Variants in WWOX observed in about 807,000 individuals in gnomAD.
WWOX encodes WW domain-containing oxidoreductase.
A neutral mutation model predicts 46.2 loss-of-function variants in WWOX; 69 were observed. The ratio of observed to expected loss-of-function variants is 1.49; its 90% confidence interval spans 1.23 to 1.82. The LOEUF (loss-of-function observed/expected upper bound fraction) is 1.82. Among genes scored for constraint, WWOX ranks in the 40% most tolerant of loss-of-function variants. The probability of loss-of-function intolerance (pLI) is 0.00; values close to 1 mark genes in which losing one functional copy is unlikely to be tolerated. For synonymous variants in WWOX, 359 were observed against 202.6 expected (o/e 1.77, Z -6.56); for missense variants, 919 against 542.6 (o/e 1.69, Z -6.89).
intron 8 of WWOX, among the ~76,000 whole-genome samples, chr16:78,598,241 A>G (rs1437126623): frequency 6.6e-6 from 1 of 152,230 alleles, no homozygotes; most frequent in East Asian, 1.9e-4. Flanking sequence ...TTTCACTATC[A>G]GAATTTTCTA....
intron 8 of WWOX, among the ~76,000 whole-genome samples, chr16:78,779,418 G>A (rs1253052797): frequency 3.9e-5 from 6 of 152,140 alleles, no homozygotes; most frequent in Non-Finnish European, 1.5e-5. Context: ...TTACAGGTAA[G>A]AGCCACCGTG....
At chr16:78,321,841 G>A (rs894033143) in intron 5 of WWOX, among the ~76,000 whole-genome samples, 1 of 152,138 alleles carries the variant, frequency 6.6e-6, no homozygotes, top group African/African-American at 2.4e-5. Context: ...GGAGGCTGGG[G>A]AGAGGGGGAT....
At chr16:79,135,047 A>G (rs1022530002) in intron 8 of WWOX, among the ~76,000 whole-genome samples, 6 of 152,220 alleles carry the variant, frequency 3.9e-5, no homozygotes, top group African/African-American at 1.4e-4. Context: ...TCTCTTATAA[A>G]TAAAAAATAT....
chr16:79,032,448 G>A (rs8051819), intron 8 of WWOX, among the ~76,000 whole-genome samples: 1,495 of 145,496 alleles, frequency 0.01, 30 homozygotes, highest in African/African-American at 0.036. Flanking sequence ...TATTATATAT[G>A]GGTTTCTATA....
chr16:78,763,086 GCAC>G (rs1457101616), intron 8 of WWOX, among the ~76,000 whole-genome samples: 1 of 152,190 alleles, frequency 6.6e-6, no homozygotes, highest in African/African-American at 2.4e-5. Flanking sequence ...TTTTTCCTGA[GCAC>G]CTACTCTGTG....
rs751207225 is a variant in WWOX at position 78,524,408 on chromosome 16, GTTTATTTATTTATTTA to G, written c.1056+91664_1056+91679del. Among the ~76,000 whole-genome samples, 18 of 122,012 alleles carry G rather than the reference GTTTATTTATTTATTTA, an allele frequency of 1.5e-4. 1 individual carries two copies. Among genetic ancestry groups the G allele is most frequent in the East Asian group, 8.9e-4 (3 of 3,360 alleles). The allele number at this position is 122,012 out of a possible 152,430, so 80.0% of individuals were successfully genotyped here. ...ATTTCATTTATTTATTTATTTATTTGTTTATTTATTTATTTATTTATTTGTTTGTTTGAGATGAGTC... is the reference window on the plus strand; with the variant it reads ...ATTTCATTTATTTATTTATTTATTTGTTTATTTGTTTGTTTGAGATGAGTC... On this transcript the variant is annotated intron_variant, in intron 8 of 8. Coordinates refer to ENST00000566780, the MANE Select transcript of WWOX (RefSeq NM_016373.4).
intron 8 of WWOX, among the ~76,000 whole-genome samples, chr16:79,007,723 C>G (rs1305042270): frequency 2.0e-5 from 3 of 152,224 alleles, no homozygotes; most frequent in Non-Finnish European, 4.4e-5. Flanking sequence ...TATCATATAG[C>G]TGCTTAGCGG....
At chr16:78,598,145 G>A (rs1240939859) in intron 8 of WWOX, among the ~76,000 whole-genome samples, 1 of 152,076 alleles carries the variant, frequency 6.6e-6, no homozygotes, top group Non-Finnish European at 1.5e-5. Context: ...ACAAGCTGAG[G>A]GAGAAATCTA....
At chr16:78,599,035 A>G (rs1188499438) in intron 8 of WWOX, among the ~76,000 whole-genome samples, 1 of 152,156 alleles carries the variant, frequency 6.6e-6, no homozygotes, top group East Asian at 1.9e-4. Flanking sequence ...AGTTTGAACA[A>G]TCAAACTGGA....
chr16:78,209,528 A>G (rs2036494310), intron 5 of WWOX, among the ~76,000 whole-genome samples: 1 of 152,214 alleles, frequency 6.6e-6, no homozygotes, highest in South Asian at 2.1e-4. Context: ...TAGCAAGCTC[A>G]TGCAGGTATT....
intron 8 of WWOX, chr16:78,872,874 T>A (rs965531427): frequency 6.6e-6 from 1 of 152,322 alleles, no homozygotes; most frequent in Non-Finnish European, 1.5e-5. Flanking sequence ...CTCAGCTCAG[T>A]GCAGGCTTGG....
chr16:79,176,889 T>G (rs2050810838), intron 8 of WWOX, among the ~76,000 whole-genome samples: 1 of 152,180 alleles, frequency 6.6e-6, no homozygotes, highest in Non-Finnish European at 1.5e-5. Context: ...CCCACTGGCA[T>G]AATCCAGGCC....
intron 8 of WWOX, among the ~76,000 whole-genome samples, chr16:78,476,926 G>A (rs1446633204): frequency 2.7e-5 from 4 of 148,776 alleles, no homozygotes; most frequent in East Asian, 2.0e-4. Flanking sequence ...TCTCCTTTCC[G>A]TCCTTCCTCC....
chr16:78,605,719 A>G (rs540608370), intron 8 of WWOX, among the ~76,000 whole-genome samples: 4 of 152,312 alleles, frequency 2.6e-5, no homozygotes, highest in East Asian at 1.9e-4. Context: ...GTGTCTACAG[A>G]TGATGAAAAT....
chr16:78,701,771 C>G (rs995464785), intron 8 of WWOX, among the ~76,000 whole-genome samples: 1 of 151,792 alleles, frequency 6.6e-6, no homozygotes, highest in African/African-American at 2.4e-5. Flanking sequence ...TGGGCCCTTG[C>G]TCTGAGATGC....
intron 8 of WWOX, among the ~76,000 whole-genome samples, chr16:79,148,972 C>G (rs1431110455): frequency 6.6e-6 from 1 of 152,018 alleles, no homozygotes; most frequent in Non-Finnish European, 1.5e-5. Flanking sequence ...TCTAGCCTGT[C>G]ATGTCATATG....
intron 8 of WWOX, among the ~76,000 whole-genome samples, chr16:78,750,297 G>T (rs567855954): frequency 6.6e-6 from 1 of 152,136 alleles, no homozygotes; most frequent in African/African-American, 2.4e-5. Flanking sequence ...GAAATGAGAG[G>T]CACAAAATTT....
chr16:78,133,268 A>C (rs117028907), intron 4 of WWOX, among the ~76,000 whole-genome samples: 1,615 of 152,276 alleles, frequency 0.011, 12 homozygotes, highest in Non-Finnish European at 0.019. Flanking sequence ...ATTTATTTTT[A>C]CTTTTTTTGA....
At chr16:78,194,391 C>A (rs951045553) in intron 5 of WWOX, among the ~76,000 whole-genome samples, 3 of 151,440 alleles carry the variant, frequency 2.0e-5, no homozygotes, top group Non-Finnish European at 4.4e-5. Context: ...AGTTCAAGAC[C>A]AGCCTGGCCA....
Sources: allele counts gnomAD v4.1 joint callset (sites outside exome capture counted in the v4.1 genomes callset), GRCh38; gene constraint gnomAD v4.1.1; transcripts MANE v1.5; gene names NCBI Gene and HGNC (gene_info 2026-07-23, HGNC 2026-07-21).